MYOZ2: variants seen among roughly 807,000 people sequenced by gnomAD.
MYOZ2 encodes myozenin 2, also known as myozenin-2.
Under a neutral mutation model 25.4 loss-of-function variants are expected in MYOZ2, and 19 were observed. The ratio of observed to expected loss-of-function variants is 0.75; its 90% CI spans 0.52 to 1.10. The LOEUF is 1.10. Among genes scored for constraint, MYOZ2 ranks in the 50% least tolerant of loss-of-function variants. MYOZ2 has a pLI of 0.00. For missense variants in MYOZ2, 270 were observed against 317.9 expected, an observed-to-expected ratio of 0.85 and a Z score of 1.15; for synonymous variants, 92 against 106.9, an observed-to-expected ratio of 0.86 and a Z score of 0.86.
At chr4:119,154,506 G>A (rs1741526190) in intron 3 of MYOZ2, among the ~76,000 whole-genome samples, 1 of 152,090 alleles carries the variant, frequency 6.6e-6, no homozygotes, top group Admixed American at 6.6e-5. Flanking sequence ...AATGACTAAT[G>A]AGAAAGAGTT....
At position 119,176,691 on chromosome 4, in the gene MYOZ2, A is replaced by G. The variant is rs1314900830; in HGVS notation, c.561-9275A>G. Among the ~76,000 whole-genome samples the G allele has an allele frequency of 2.0e-5, 3 of 152,360 alleles. No homozygotes were observed. The East Asian group carries it at 5.8e-4, about 29-fold the overall frequency. On this transcript the variant is annotated intron_variant, in intron 5 of 5. Coordinates refer to ENST00000307128, the MANE Select transcript of MYOZ2 (RefSeq NM_016599.5). ...TGGGACCCTGAATCATCTACTGTGT[A>G]AGAGAGATTAATTTGAAAAAGAACT...
chr4:119,151,411 G>A (rs1362317724), intron 3 of MYOZ2, among the ~76,000 whole-genome samples: 1 of 152,106 alleles, frequency 6.6e-6, no homozygotes, highest in Non-Finnish European at 1.5e-5. Context: ...CTCCACAGGC[G>A]AGGATAAGCA....
chr4:119,157,303 C>T (rs1258797711), intron 3 of MYOZ2, among the ~76,000 whole-genome samples: 1 of 152,068 alleles, frequency 6.6e-6, no homozygotes. Context: ...AGGACATAAC[C>T]TACTACGATG....
At chr4:119,180,863 A>G (rs1365165454) in intron 5 of MYOZ2, among the ~76,000 whole-genome samples, 1 of 152,108 alleles carries the variant, frequency 6.6e-6, no homozygotes, top group Non-Finnish European at 1.5e-5. Context: ...GCCTATGACC[A>G]CATTTTTAAA....
intron 5 of MYOZ2, among the ~76,000 whole-genome samples, chr4:119,174,046 G>T (rs1471704498): frequency 1.3e-5 from 2 of 152,246 alleles, no homozygotes; most frequent in African/African-American, 4.8e-5. Flanking sequence ...GGGACCTGCA[G>T]CCCGCCATGC....
chr4:119,184,208 T>C (rs1165203390), intron 5 of MYOZ2, among the ~76,000 whole-genome samples: 1 of 152,200 alleles, frequency 6.6e-6, no homozygotes, highest in Non-Finnish European at 1.5e-5. Flanking sequence ...CATCCTACAA[T>C]GGTTGCCCTT....
intron 2 of MYOZ2, among the ~76,000 whole-genome samples, chr4:119,138,574 G>A (rs1213801384): frequency 1.3e-5 from 2 of 152,094 alleles, no homozygotes; most frequent in Non-Finnish European, 2.9e-5. Context: ...GATAATTTAA[G>A]ATAAAACATG....
chr4:119,163,412 G>C (rs1219354790), intron 4 of MYOZ2, among the ~76,000 whole-genome samples: 2 of 152,190 alleles, frequency 1.3e-5, no homozygotes, highest in African/African-American at 4.8e-5. Context: ...TAATATGGCA[G>C]TGTAAACAGA....
At chr4:119,181,575 A>G (rs930136130) in intron 5 of MYOZ2, among the ~76,000 whole-genome samples, 3 of 152,212 alleles carry the variant, frequency 2.0e-5, no homozygotes, top group Non-Finnish European at 4.4e-5. Flanking sequence ...TGCTTCCAGC[A>G]TATTCCTGGA....
intron 2 of MYOZ2, among the ~76,000 whole-genome samples, chr4:119,142,268 A>G (rs1407502284): frequency 1.3e-5 from 2 of 152,196 alleles, no homozygotes; most frequent in African/African-American, 4.8e-5. Flanking sequence ...TTTTCCCTAT[A>G]CAGTTACAAT....
chr4:119,168,688 A>G (rs1472163828), intron 5 of MYOZ2, among the ~76,000 whole-genome samples: 1 of 144,982 alleles, frequency 6.9e-6, no homozygotes. Context: ...CAACAAAACA[A>G]CAACAACAAC....
At chr4:119,150,031 A>T (rs561318042) in intron 2 of MYOZ2, among the ~76,000 whole-genome samples, 4 of 152,114 alleles carry the variant, frequency 2.6e-5, no homozygotes, top group Non-Finnish European at 5.9e-5. Context: ...TGGCAAAAAG[A>T]CTCTGTGGGT....
intron 2 of MYOZ2, among the ~76,000 whole-genome samples, chr4:119,138,098 T>C (rs1741073806): frequency 6.6e-6 from 1 of 152,162 alleles, no homozygotes; most frequent in Admixed American, 6.5e-5. Flanking sequence ...ATAACTATTG[T>C]TTTTATAAAA....
intron 5 of MYOZ2, among the ~76,000 whole-genome samples, chr4:119,184,352 C>T (rs748968117): frequency 2.6e-5 from 4 of 152,114 alleles, no homozygotes; most frequent in African/African-American, 4.8e-5. Context: ...TCCTTGAACA[C>T]GCCAACATTA....
chr4:119,150,008 C>A (rs1398081314), intron 2 of MYOZ2, among the ~76,000 whole-genome samples: 2 of 151,980 alleles, frequency 1.3e-5, no homozygotes, highest in Non-Finnish European at 2.9e-5. Flanking sequence ...ATGCATTTAA[C>A]GGTAGTCAAC....
At chr4:119,148,848 T>C (rs77395732) in intron 2 of MYOZ2, among the ~76,000 whole-genome samples, 25 of 151,788 alleles carry the variant, frequency 1.6e-4, no homozygotes, top group African/African-American at 5.6e-4. Context: ...TTGTTTTAAA[T>C]TATGGGTACT....
At position 119,182,794 on chromosome 4, in the gene MYOZ2, T is replaced by TA. The variant is rs536788830; in HGVS notation, c.561-3172_561-3171insA. On this transcript the variant is annotated intron_variant, in intron 5 of 5. Transcript: ENST00000307128. ...GACCTGGTTCCTAACAGGCCATAGATGGTTGGTCTGCAGCCTGAGGGTTGG... is the reference window on the plus strand; with the variant it reads ...GACCTGGTTCCTAACAGGCCATAGATAGGTTGGTCTGCAGCCTGAGGGTTGG... Among the ~76,000 whole-genome samples the TA allele has an allele frequency of 2.7e-4, 41 of 152,262 alleles. No homozygotes were observed. The South Asian group carries it at 7.9e-3, about 29-fold the overall frequency.
At chr4:119,162,687 C>T (rs567842128) in intron 4 of MYOZ2, among the ~76,000 whole-genome samples, 51 of 152,220 alleles carry the variant, frequency 3.4e-4, no homozygotes, top group Non-Finnish European at 4.9e-4. Context: ...ATTTTAAATA[C>T]GTATCCAAGA....
Position 119,145,338 on chromosome 4 carries a change from G to GTT in MYOZ2, c.77-5511_77-5510dup, listed in dbSNP as rs60344545. ...GTAATTTTTTCTGTGTGCGTGTGTG[G>GTT]TTTTTTTTTTTTTTTTTTTTTTTTG... On this transcript the variant is annotated intron_variant, in intron 2 of 5. Transcript: ENST00000307128. Among the ~76,000 whole-genome samples, 380 of 100,554 alleles carry GTT rather than the reference G, an allele frequency of 3.8e-3. 3 individuals carry two copies. Among genetic ancestry groups the GTT allele is most frequent in the African/African-American group, 7.6e-3 (174 of 23,042 alleles). The allele number at this position is 100,554 out of a possible 152,430, so 66.0% of individuals were successfully genotyped here. A position where few individuals can be genotyped will look rare whatever the true frequency, so the allele number is the denominator to read the frequency against.
Sources: allele counts gnomAD v4.1 joint callset (sites outside exome capture counted in the v4.1 genomes callset), GRCh38; gene constraint gnomAD v4.1.1; transcripts MANE v1.5; gene names NCBI Gene and HGNC (gene_info 2026-07-23, HGNC 2026-07-21).